The following TBC1D2B variants were observed in gnomAD, a reference collection of about 807,000 sequenced individuals.
The protein encoded by TBC1D2B is TBC1 domain family member 2B.
TBC1D2B carries 64 observed loss-of-function variants against 100.8 expected under a neutral mutation model. The ratio of observed to expected loss-of-function variants is 0.64; its 90% CI spans 0.52 to 0.78. TBC1D2B has a LOEUF of 0.78. Among genes scored for constraint, TBC1D2B ranks in the 30% least tolerant of loss-of-function variants. TBC1D2B has a pLI of 0.00. For missense variants in TBC1D2B, 1,052 were observed against 1,218.4 expected (o/e 0.86, Z 2.03); for synonymous variants, 480 against 479.7 (o/e 1.00, Z -0.01).
intron 6 of TBC1D2B, among the ~76,000 whole-genome samples, chr15:78,023,657 T>C (rs1323929614): frequency 6.6e-6 from 1 of 152,196 alleles, no homozygotes; most frequent in African/African-American, 2.4e-5. Context: ...TCTTGGGTGC[T>C]GGGGGCACTG....
intron 3 of TBC1D2B, among the ~76,000 whole-genome samples, chr15:78,030,406 A>G (rs1026518295): frequency 1.3e-5 from 2 of 151,948 alleles, no homozygotes; most frequent in East Asian, 1.9e-4. Context: ...GGTTCAAGCA[A>G]TTCGCCTGCC....
chr15:78,029,215 C>A (rs1444160376), intron 4 of TBC1D2B, among the ~76,000 whole-genome samples: 1 of 152,096 alleles, frequency 6.6e-6, no homozygotes, highest in Admixed American at 6.5e-5. Flanking sequence ...CCCCACCACG[C>A]CCAGCTAATT....
At chr15:78,035,612 T>G (rs2072925875) in intron 3 of TBC1D2B, among the ~76,000 whole-genome samples, 1 of 152,010 alleles carries the variant, frequency 6.6e-6, no homozygotes, top group Admixed American at 6.6e-5. Context: ...GGAGGTTGTG[T>G]GGGGGGGTTT....
chr15:78,027,755 A>C (rs1297021921), intron 4 of TBC1D2B, among the ~76,000 whole-genome samples: 1 of 152,252 alleles, frequency 6.6e-6, no homozygotes, highest in Non-Finnish European at 1.5e-5. Flanking sequence ...TGGAAGTCAC[A>C]GCCAACAGTA....
chr15:78,035,618 G>A (rs892751391), intron 3 of TBC1D2B, among the ~76,000 whole-genome samples: 1 of 152,122 alleles, frequency 6.6e-6, no homozygotes, highest in Non-Finnish European at 1.5e-5. Context: ...TGTGTGGGGG[G>A]GTTTCCTCTG....
At position 78,024,471 on chromosome 15, in the gene TBC1D2B, C is replaced by G. The variant is rs374901756; in HGVS notation, c.1155G>C (p.Arg385=). 1.5e-5 allele frequency: 25 copies of G among 1,614,038 alleles called. No homozygotes were observed. In the African/African-American group the frequency reaches 1.7e-4, roughly 11 times the overall value. Residue 385 remains arginine, a synonymous_variant, in exon 6 of 13, where the codon CGG becomes CGC. Transcript: ENST00000300584. ...TGTCCTTTGGGACCCCCTCACAGAGCCGGCTGCTTGTGAAATACTTGTCAT... is the reference window on the plus strand; with the variant it reads ...TGTCCTTTGGGACCCCCTCACAGAGGCGGCTGCTTGTGAAATACTTGTCAT... ...SQYDKYFTSS[R]LCEGVPKDTL...
At chr15:78,040,807 AAG>A (rs1266745359) in intron 3 of TBC1D2B, among the ~76,000 whole-genome samples, 8 of 136,678 alleles carry the variant, frequency 5.9e-5, no homozygotes, top group Non-Finnish European at 1.1e-4. Context: ...GAAAGAAAGA[AAG>A]AAAAAGCAAG....
At chr15:78,009,186 T>A (rs2072154264) in intron 9 of TBC1D2B, 72 bp from the exon 10 acceptor site, 1 of 1,141,810 alleles carries the variant, frequency 8.8e-7, no homozygotes, top group Non-Finnish European at 1.3e-6. Context: ...ACAGAGACCA[T>A]CTGCTTTAAG....
intron 3 of TBC1D2B, among the ~76,000 whole-genome samples, chr15:78,030,902 C>A (rs1394380507): frequency 6.6e-6 from 1 of 152,216 alleles, no homozygotes; most frequent in Non-Finnish European, 1.5e-5. Context: ...AAAATTAACT[C>A]ATTCATCCAC....
chr15:77,999,946 C>T (rs2071866811), intron 12 of TBC1D2B, among the ~76,000 whole-genome samples: 1 of 152,194 alleles, frequency 6.6e-6, no homozygotes, highest in Non-Finnish European at 1.5e-5. Context: ...TCCTGTGTAA[C>T]TCCCGTCTCC....
intron 1 of TBC1D2B, among the ~76,000 whole-genome samples, chr15:78,054,876 C>T (rs2073388729): frequency 6.6e-6 from 1 of 151,980 alleles, no homozygotes; most frequent in African/African-American, 2.4e-5. Context: ...CACACAAAGA[C>T]CTGTATGTGA....
At position 78,025,514 on chromosome 15, in the gene TBC1D2B, CTTGTA is replaced by C. The variant is rs768673436; in HGVS notation, c.848-22_848-18del. 1 of 1,503,524 alleles carries C rather than the reference CTTGTA, an allele frequency of 6.7e-7. No individual in the cohort carries two copies. Among genetic ancestry groups the C allele is most frequent in the Non-Finnish European group, 9.0e-7 (1 of 1,114,604 alleles). 93.1% of individuals were successfully genotyped at this position (1,503,524 alleles called of 1,614,324 possible). On this transcript the variant is annotated intron_variant, in intron 4 of 12. Coordinates refer to ENST00000300584, the MANE Select transcript of TBC1D2B (RefSeq NM_144572.2). ...CAGTTACTCCTACATAAAAATAAAACTTGTATTTTATTATTATTATTATTATTTTT... is the reference window on the plus strand; with the variant it reads ...CAGTTACTCCTACATAAAAATAAAACTTTTATTATTATTATTATTATTTTT...
At chr15:78,067,243 G>A (rs953518518) in intron 1 of TBC1D2B, among the ~76,000 whole-genome samples, 84 of 152,314 alleles carry the variant, frequency 5.5e-4, no homozygotes, top group African/African-American at 2.0e-3. Flanking sequence ...GGCCTCTCCA[G>A]TTCTAACTTT....
intron 8 of TBC1D2B, among the ~76,000 whole-genome samples, chr15:78,015,730 C>T (rs1472676078): frequency 2.0e-5 from 3 of 152,206 alleles, no homozygotes; most frequent in South Asian, 2.1e-4. Context: ...CCTCACTGAA[C>T]ATTAAGTACA....
At chr15:78,060,279 C>T (rs553904704) in intron 1 of TBC1D2B, among the ~76,000 whole-genome samples, 3 of 152,168 alleles carry the variant, frequency 2.0e-5, no homozygotes, top group South Asian at 4.1e-4. Context: ...TCCTTTATGC[C>T]AACAATAAAC....
intron 3 of TBC1D2B, among the ~76,000 whole-genome samples, chr15:78,032,444 A>T (rs952337645): frequency 2.0e-5 from 3 of 151,994 alleles, no homozygotes; most frequent in South Asian, 2.1e-4. Context: ...CCAGCACACA[A>T]AAAGGTAAAA....
intron 4 of TBC1D2B, among the ~76,000 whole-genome samples, chr15:78,028,771 G>T (rs1446594869): frequency 6.6e-6 from 1 of 152,164 alleles, no homozygotes; most frequent in East Asian, 1.9e-4. Flanking sequence ...CATGTTAAAT[G>T]ACCCCACAGA....
intron 10 of TBC1D2B, among the ~76,000 whole-genome samples, chr15:78,008,201 T>C (rs532411026): frequency 3.3e-4 from 50 of 152,326 alleles, no homozygotes; most frequent in Middle Eastern, 6.8e-3. Context: ...GGGCCAGGAC[T>C]GTCCCAAGCA....
At chr15:78,004,659 T>G (rs1484045506) in intron 10 of TBC1D2B, among the ~76,000 whole-genome samples, 1 of 152,264 alleles carries the variant, frequency 6.6e-6, no homozygotes, top group African/African-American at 2.4e-5. Flanking sequence ...TTGATGCTTT[T>G]AATTCTAATC....
Sources: gnomAD v4.1 joint callset for allele counts (sites outside exome capture counted in the v4.1 genomes callset) on GRCh38, gnomAD v4.1.1 for gene constraint, MANE v1.5 for transcripts, NCBI Gene and HGNC (gene_info 2026-07-23, HGNC 2026-07-21) for gene names.